Variants in CIMAP1D observed in about 807,000 individuals in gnomAD.
CIMAP1D encodes protein CIMAP1D.
At chr19:475,368 G>A in the CIMAP1D span, among the ~76,000 whole-genome samples, 2 of 152,242 alleles carry the variant, frequency 1.3e-5, no homozygotes, top group Non-Finnish European at 2.9e-5. Flanking sequence ...AGAAGGAGAT[G>A]TTCTCAGGAT....
At chr19:480,428 G>T in the CIMAP1D span, among the ~76,000 whole-genome samples, 1 of 152,094 alleles carries the variant, frequency 6.6e-6, no homozygotes, top group Admixed American at 6.5e-5. Context: ...AGGATGATGA[G>T]GATGGATGAC....
chr19:491,096 A>C, the CIMAP1D span, among the ~76,000 whole-genome samples: 6 of 128,448 alleles, frequency 4.7e-5, no homozygotes, highest in African/African-American at 1.8e-4. Flanking sequence ...GCTTTGTCTC[A>C]AAAAAAAAAA....
the CIMAP1D span, among the ~76,000 whole-genome samples, chr19:488,078 A>G: frequency 6.6e-6 from 1 of 152,138 alleles, no homozygotes; most frequent in East Asian, 1.9e-4. Flanking sequence ...TGAGCCCTGA[A>G]GAGGGACAGG....
At chr19:464,109 G>T in the CIMAP1D span, 1 of 1,254,722 alleles carries the variant, frequency 8.0e-7, no homozygotes. Context: ...GCCCGGGCCT[G>T]GTATCTCAGC....
chr19:469,544 GC>G, the CIMAP1D span, among the ~76,000 whole-genome samples: 1 of 152,164 alleles, frequency 6.6e-6, no homozygotes, highest in East Asian at 1.9e-4. Context: ...ACAAAAATTA[GC>G]CGGGCGTGGT....
the CIMAP1D span, among the ~76,000 whole-genome samples, chr19:470,351 C>T: frequency 2.0e-5 from 3 of 149,380 alleles, no homozygotes; most frequent in East Asian, 2.0e-4. Context: ...GGACTATAGG[C>T]GCCCGCCACC....
chr19:486,554 C>A, the CIMAP1D span, among the ~76,000 whole-genome samples: 2 of 151,978 alleles, frequency 1.3e-5, no homozygotes, highest in East Asian at 3.9e-4. Context: ...GATTCTCCTG[C>A]CTCAGCCTCC....
the CIMAP1D span, chr19:490,305 G>A: frequency 2.3e-5 from 6 of 263,144 alleles, no homozygotes; most frequent in Non-Finnish European, 4.2e-5. Flanking sequence ...GCAGTGAGCC[G>A]AGATAGCACC....
At chr19:471,867 C>T in the CIMAP1D span, among the ~76,000 whole-genome samples, 1 of 152,036 alleles carries the variant, frequency 6.6e-6, no homozygotes, top group Non-Finnish European at 1.5e-5. Context: ...CTCAGCCTCC[C>T]GAGTAGCTGG....
the CIMAP1D span, among the ~76,000 whole-genome samples, chr19:480,209 C>T: frequency 1.9e-4 from 29 of 152,326 alleles, 1 homozygote; most frequent in East Asian, 5.6e-3. Context: ...GAAACAGCGA[C>T]GAGGCCCGTG....
the CIMAP1D span, chr19:464,140 C>T: frequency 9.5e-4 from 756 of 799,032 alleles, 9 homozygotes; most frequent in East Asian, 0.037. Flanking sequence ...GGGGGGCGGG[C>T]GGGGGGGGTG....
At chr19:470,433 G>A in the CIMAP1D span, among the ~76,000 whole-genome samples, 1 of 151,464 alleles carries the variant, frequency 6.6e-6, no homozygotes, top group Non-Finnish European at 1.5e-5. Flanking sequence ...GGATGGTCTC[G>A]ATCTCCTGAC....
At chr19:481,416 G>A in the CIMAP1D span, among the ~76,000 whole-genome samples, 2 of 85,908 alleles carry the variant, frequency 2.3e-5, no homozygotes, top group Non-Finnish European at 4.6e-5. Context: ...ATGATGGGAA[G>A]GATGATGGAG....
the CIMAP1D span, chr19:467,526 T>A: frequency 5.4e-6 from 4 of 742,186 alleles, no homozygotes; most frequent in Non-Finnish European, 9.6e-6. Context: ...TTGGATTTGA[T>A]CACTCCAAAG....
the CIMAP1D span, among the ~76,000 whole-genome samples, chr19:485,660 C>A: frequency 1.4e-4 from 22 of 152,340 alleles, 1 homozygote; most frequent in East Asian, 2.3e-3. Context: ...AGCCACGGTG[C>A]CAGCCCCAAG....
chr19:485,525 G>A, the CIMAP1D span, among the ~76,000 whole-genome samples: 23 of 152,218 alleles, frequency 1.5e-4, 1 homozygote, highest in Admixed American at 1.1e-3. Context: ...CCAGGCTGGC[G>A]CGATCACAGC....
chr19:475,828 C>T, the CIMAP1D span, among the ~76,000 whole-genome samples: 5 of 150,246 alleles, frequency 3.3e-5, no homozygotes, highest in Non-Finnish European at 5.9e-5. Context: ...GCCTGGAGTG[C>T]GCTGGTGCGA....
chr19:486,807 A>G, the CIMAP1D span, among the ~76,000 whole-genome samples: 1,080 of 151,978 alleles, frequency 7.1e-3, 10 homozygotes, highest in African/African-American at 0.024. Context: ...CCAGCTACAC[A>G]GGAGGCTGAG....
the CIMAP1D span, among the ~76,000 whole-genome samples, chr19:485,463 CG>C: frequency 6.6e-6 from 1 of 152,206 alleles, no homozygotes; most frequent in African/African-American, 2.4e-5. Flanking sequence ...TGGCTGCTGC[CG>C]ATCCAAGTCC....
Sources: allele counts gnomAD v4.1 joint callset (sites outside exome capture counted in the v4.1 genomes callset), GRCh38; gene constraint gnomAD v4.1.1; transcripts MANE v1.5; gene names NCBI Gene and HGNC (gene_info 2026-07-23, HGNC 2026-07-21).